SIRPA: variants seen among roughly 807,000 people sequenced by gnomAD.
SIRPA encodes the protein signal regulatory protein alpha.
SIRPA carries 9 observed loss-of-function variants against 50.3 expected under a neutral mutation model. That is an observed-to-expected ratio of 0.18 (90% CI 0.11 to 0.31). SIRPA has a LOEUF of 0.31. Among genes scored for constraint, SIRPA ranks in the 10% least tolerant of loss-of-function variants. SIRPA has a pLI of 1.00. For missense variants in SIRPA, 474 were observed against 661.6 expected, an observed-to-expected ratio of 0.72 and a Z score of 3.11; for synonymous variants, 265 against 284.1, an observed-to-expected ratio of 0.93 and a Z score of 0.68.
intron 2 of SIRPA, among the ~76,000 whole-genome samples, chr20:1,916,744 C>G (rs4813329): frequency 0.39 from 59,701 of 152,084 alleles, 12,045 homozygotes; most frequent in East Asian, 0.66. Context: ...GGATACGTAA[C>G]TTGTCCCCAA....
At chr20:1,925,404 C>A (rs745515194) in intron 5 of SIRPA, among the ~76,000 whole-genome samples, 1 of 152,220 alleles carries the variant, frequency 6.6e-6, no homozygotes, top group Non-Finnish European at 1.5e-5. Flanking sequence ...GATTATTACC[C>A]GTATTGTATG....
At position 1,910,220 on chromosome 20, in the gene SIRPA, C is replaced by T. The variant is rs1600408923; in HGVS notation, c.80-4879C>T. ...CTCAGGGCCTGGCACAGGGAAGGAT[C>T]CAGAATGCAGCACTGACCGCACTTG... On this transcript the variant is annotated intron_variant, in intron 1 of 7. Coordinates refer to ENST00000358771, the MANE Select transcript of SIRPA (RefSeq NM_001040023.2). 2.0e-5 allele frequency among the ~76,000 whole-genome samples: 3 copies of T among 152,306 alleles called. No homozygotes were observed. The South Asian group carries it at 6.2e-4, about 32-fold the overall frequency.
chr20:1,914,676 C>T (rs1281311504), intron 1 of SIRPA, among the ~76,000 whole-genome samples: 1 of 150,640 alleles, frequency 6.6e-6, no homozygotes, highest in Non-Finnish European at 1.5e-5. Context: ...CTTCTCGGGG[C>T]CTGCATCCTG....
At position 1,922,601 on chromosome 20, in the gene SIRPA, A is replaced by G; in HGVS notation, c.1043A>G (p.Lys348Arg). Residue 348 changes from lysine (K) to arginine (R), a missense_variant, in exon 4 of 8, where the codon AAG (lysine) becomes AGG (arginine). Around this residue, in one of 4 missense-constraint regions of SIRPA, gnomAD observed 180 missense variants for 206.7 expected, o/e 0.87. Coordinates refer to ENST00000358771, the MANE Select transcript of SIRPA (RefSeq NM_001040023.2). ...GCGGTCAGCAAAAGCCATGACCTGA[A>G]GGTCTCAGCCCACCCGAAGGAGCAG... ...QPAVSKSHDL[K>R]VSAHPKEQGS... 1.2e-6 allele frequency: 2 copies of G among 1,614,006 alleles called. No homozygotes were observed. The highest frequency in any genetic ancestry group is 1.7e-6 in the Non-Finnish European group (2 of 1,179,940).
chr20:1,930,217 G>A lies in SIRPA; in HGVS notation c.1226+2318G>A, dbSNP rs187187494. Among the ~76,000 whole-genome samples the A allele has an allele frequency of 7.2e-5, 11 of 152,314 alleles. No individual in the cohort carries two copies. The East Asian group carries it at 1.5e-3, about 21-fold the overall frequency. On this transcript the variant is annotated intron_variant, in intron 6 of 7. Transcript: ENST00000358771. ...CTTCTCCTGAGATCAGCAAGGGCAC[G>A]ACATCCTCCAGGGTCGGAGGGCTTC...
chr20:1,921,824 T>A, intron 3 of SIRPA, 112 bp downstream of exon 3: 2 of 911,540 alleles, frequency 2.2e-6, no homozygotes, highest in Non-Finnish European at 3.3e-6. Flanking sequence ...GCCTGGAACC[T>A]AAATTCCTAA....
rs368388982 is a variant in SIRPA, at chr20:1,937,548, G to A, written c.1495G>A (p.Val499Ile). 29 of 1,613,974 alleles carry A rather than the reference G, an allele frequency of 1.8e-5. No individual in the cohort carries two copies. Among genetic ancestry groups the A allele is most frequent in the South Asian group, 4.4e-5 (4 of 91,088 alleles). Residue 499 changes from valine to isoleucine, a missense_variant, in exon 8 of 8, where the codon GTC (valine) becomes ATC (isoleucine). Val to Ile is a conservative substitution (Grantham distance 29, BLOSUM62 3). This residue lies in a region of SIRPA where 180 missense variants were observed against 206.7 expected (regional missense o/e 0.87). Transcript: ENST00000358771. The surrounding 1 kb of genome is among the most constrained non-coding windows in gnomAD (Gnocchi z 8.3). ...PEPSFSEYAS[V>I]QVPRK ...GCCGTCCTTCTCAGAGTACGCCAGC[G>A]TCCAGGTCCCGAGGAAGTGAATGGG...
intron 1 of SIRPA, among the ~76,000 whole-genome samples, chr20:1,897,205 A>G (rs1000207828): frequency 6.6e-6 from 1 of 152,248 alleles, no homozygotes; most frequent in Admixed American, 6.5e-5. Context: ...CTATAAAAAC[A>G]GTCTATAAGA....
At chr20:1,896,464 G>T (rs1983832849) in intron 1 of SIRPA, among the ~76,000 whole-genome samples, 1 of 148,988 alleles carries the variant, frequency 6.7e-6, no homozygotes, top group Admixed American at 6.7e-5. Context: ...GGGGCGGGGG[G>T]AGCAGAGAAA....
intron 1 of SIRPA, among the ~76,000 whole-genome samples, chr20:1,895,876 G>T (rs954138533): frequency 6.6e-6 from 1 of 152,196 alleles, no homozygotes; most frequent in Non-Finnish European, 1.5e-5. Context: ...AGGGCCGTCC[G>T]GCTTCCCCAG....
chr20:1,897,089 G>GAGCAGTGACGCTGATTAGCA (rs1983875867), intron 1 of SIRPA, among the ~76,000 whole-genome samples: 1 of 152,164 alleles, frequency 6.6e-6, no homozygotes, highest in Non-Finnish European at 1.5e-5. Context: ...CCTGGCAAAC[G>GAGCAGTGACGCTGATTAGCA]AGCAGTGACG....
rs1268657393 is a variant in SIRPA, at chr20:1,924,619, G to A, written c.1088-145G>A. 3 of 665,752 alleles carry A rather than the reference G, an allele frequency of 4.5e-6. No homozygotes were observed. The highest frequency in any genetic ancestry group is 8.1e-6 in the Non-Finnish European group (3 of 370,360). The allele number at this position is 665,752 out of a possible 1,614,324, so 41.2% of individuals were successfully genotyped here. ...GGCAAGTGTGTACAGACCCATGAGT[G>A]TGCCCATGTGGCTCGAGACATCTAA... On this transcript the variant is annotated intron_variant, in intron 4 of 7. Transcript: ENST00000358771. This position sits in a 1 kb window ranked among gnomAD's most constrained non-coding sequence, Gnocchi z 4.5.
rs1983973062 is a variant in SIRPA, at chr20:1,898,641, G to A, written c.79+3115G>A. 6.6e-6 allele frequency among the ~76,000 whole-genome samples: 1 copy of A among 152,058 alleles called. No homozygotes were observed. The highest frequency in any genetic ancestry group is 1.5e-5 in the Non-Finnish European group (1 of 68,026). ...TTGGATGCTGGCCTTCCTGCTGGGT[G>A]GCTTCTAGGGAAGAAGCTCAATGAC... On this transcript the variant is annotated intron_variant, in intron 1 of 7. Transcript: ENST00000358771. This position sits in a 1 kb window ranked among gnomAD's most constrained non-coding sequence, Gnocchi z 4.3.
chr20:1,920,665 C>G (rs775808893), intron 2 of SIRPA, among the ~76,000 whole-genome samples: 11 of 152,206 alleles, frequency 7.2e-5, no homozygotes, highest in Non-Finnish European at 1.5e-4. Flanking sequence ...AAATTTAGCA[C>G]TTGGCACAGA....
At chr20:1,896,767 T>TGCCCCCC (rs1983852483) in intron 1 of SIRPA, among the ~76,000 whole-genome samples, 1 of 144,522 alleles carries the variant, frequency 6.9e-6, no homozygotes. Context: ...CACATAGGCA[T>TGCCCCCC]CCCCCCACCC....
At chr20:1,930,028 CT>C (rs2090970517) in intron 6 of SIRPA, among the ~76,000 whole-genome samples, 1 of 152,168 alleles carries the variant, frequency 6.6e-6, no homozygotes, top group African/African-American at 2.4e-5. Flanking sequence ...CCCTTGCACA[CT>C]GCCCTCACTG....
intron 1 of SIRPA, among the ~76,000 whole-genome samples, chr20:1,906,763 C>T (rs1429250375): frequency 6.6e-6 from 1 of 152,022 alleles, no homozygotes; most frequent in Non-Finnish European, 1.5e-5. Context: ...AGAGGTGAGG[C>T]AGAGGCAGGG....
intron 1 of SIRPA, among the ~76,000 whole-genome samples, chr20:1,901,840 A>G (rs1366053101): frequency 6.6e-6 from 1 of 152,190 alleles, no homozygotes; most frequent in African/African-American, 2.4e-5. Context: ...TGCTCGGATC[A>G]GGAGGGAAAT....
chr20:1,940,162 A>T lies in SIRPA; in HGVS notation c.*2594A>T, dbSNP rs1000502774. ...GGCTCTGCTGCTTTGTAGCTGTGGG[A>T]GTTCAAACAGCACCTCTTTGAGACT... On this transcript the variant is annotated 3_prime_UTR_variant, in exon 8 of 8. Transcript: ENST00000358771. 2.6e-5 allele frequency: 4 copies of T among 152,206 alleles called. No homozygotes were observed. Among genetic ancestry groups the T allele is most frequent in the African/African-American group, 9.7e-5 (4 of 41,450 alleles). 9.4% of individuals were successfully genotyped at this position (152,206 alleles called of 1,614,324 possible). A position where few individuals can be genotyped will look rare whatever the true frequency, so the allele number is the denominator to read the frequency against.
Sources: gnomAD v4.1 joint callset for allele counts (sites outside exome capture counted in the v4.1 genomes callset) on GRCh38, gnomAD v4.1.1 for gene constraint, gnomAD v4.1.1 regional missense constraint, Gnocchi (gnomAD v3.1) non-coding constraint, MANE v1.5 for transcripts, NCBI Gene and HGNC (gene_info 2026-07-23, HGNC 2026-07-21) for gene names.